CNIH3: variants seen among roughly 807,000 people sequenced by gnomAD.
CNIH3 encodes the protein cornichon family AMPA receptor auxiliary protein 3, also known as protein cornichon homolog 3.
In CNIH3, 14 loss-of-function variants were observed where a neutral mutation model predicts 24.1. The observed-to-expected ratio is 0.58, with a 90% CI of 0.38 to 0.91. The LOEUF is 0.91. Among genes scored for constraint, CNIH3 ranks in the 40% least tolerant of loss-of-function variants. The pLI is 0.00. For missense variants in CNIH3, 178 were observed against 196.8 expected (o/e 0.90, Z 0.57); for synonymous variants, 68 against 73.8 (o/e 0.92, Z 0.40).
chr1:224,459,695 G>A (rs1675828047), intron 1 of CNIH3, among the ~76,000 whole-genome samples: 1 of 152,118 alleles, frequency 6.6e-6, no homozygotes. Context: ...GGGTAGCGAT[G>A]TGGAGGGCCC....
At chr1:224,506,285 G>GCACA (rs61334962) in intron 1 of CNIH3, among the ~76,000 whole-genome samples, 5,272 of 143,632 alleles carry the variant, frequency 0.037, 155 homozygotes, top group African/African-American at 0.08. Context: ...GCGCGCGCGC[G>GCACA]CGCACACACA....
intron 1 of CNIH3, among the ~76,000 whole-genome samples, chr1:224,629,777 ACCCTCTGGCCCCTGATGGTTGCTGTCTCT>A (rs982642479): frequency 2.0e-5 from 3 of 150,634 alleles, no homozygotes; most frequent in Non-Finnish European, 4.4e-5. Flanking sequence ...CTCTTTCTTG[ACCCTCTGGCCCCTGATGGTTGCTGTCTCT>A]CTGCTGTCCT....
chr1:224,494,577 C>T (rs949467294), intron 1 of CNIH3, among the ~76,000 whole-genome samples: 4 of 152,124 alleles, frequency 2.6e-5, no homozygotes, highest in Admixed American at 6.5e-5. Context: ...TGGCTGAAGC[C>T]GTGTGATAAC....
At chr1:224,514,034 C>T (rs564324258), upstream of CNIH3, 1 of 152,370 alleles carries the variant, frequency 6.6e-6, no homozygotes, top group East Asian at 1.9e-4. Context: ...AGCGGCAAGG[C>T]AGAGAGCTTT....
intron 1 of CNIH3, among the ~76,000 whole-genome samples, chr1:224,488,529 T>G (rs1451652959): frequency 6.6e-6 from 1 of 151,990 alleles, no homozygotes; most frequent in Non-Finnish European, 1.5e-5. Context: ...GGCACAATCA[T>G]AGCTCATTAT....
intron 1 of CNIH3, among the ~76,000 whole-genome samples, chr1:224,633,220 G>A (rs12079156): frequency 0.24 from 37,103 of 151,708 alleles, 4,804 homozygotes; most frequent in East Asian, 0.37. Context: ...ATGCAGTGGC[G>A]CGATCTCTGT....
intron 4 of CNIH3, among the ~76,000 whole-genome samples, chr1:224,581,210 G>T (rs1681261241): frequency 6.6e-6 from 1 of 151,960 alleles, no homozygotes; most frequent in Admixed American, 6.6e-5. Flanking sequence ...TTTTCACTTT[G>T]TTCTGGGGAT....
chr1:224,495,470 G>A (rs1318200790), intron 1 of CNIH3, among the ~76,000 whole-genome samples: 1 of 152,216 alleles, frequency 6.6e-6, no homozygotes, highest in Non-Finnish European at 1.5e-5. Flanking sequence ...CCTGCTAGGT[G>A]TCAGGCTAGG....
In CNIH3 at chr1:224,480,197, C is replaced by G. The variant is rs1676753002; in HGVS notation, n.204-35544C>G. On this transcript the variant is annotated intron_variant and non_coding_transcript_variant, in intron 1 of 5. Transcript: ENST00000471578. ...GGCTTCCACCCTCTGAAGCAACAGCCTGAGCTGTACCTTAGCCCCTTTTAG... is the reference window on the plus strand; with the variant it reads ...GGCTTCCACCCTCTGAAGCAACAGCGTGAGCTGTACCTTAGCCCCTTTTAG... Among the ~76,000 whole-genome samples the G allele has an allele frequency of 2.0e-5, 3 of 152,206 alleles. No individual in the cohort carries two copies. The South Asian group carries it at 6.2e-4, about 31-fold the overall frequency.
At chr1:224,688,977 T>C (rs1166359369) in intron 3 of CNIH3, among the ~76,000 whole-genome samples, 3 of 152,098 alleles carry the variant, frequency 2.0e-5, no homozygotes, top group African/African-American at 7.2e-5. Context: ...AACTCAATAT[T>C]GTATTCATTA....
At chr1:224,627,747 G>A (rs889587478) in intron 1 of CNIH3, among the ~76,000 whole-genome samples, 1 of 152,206 alleles carries the variant, frequency 6.6e-6, no homozygotes, top group Non-Finnish European at 1.5e-5. Context: ...GAGTCAGTCT[G>A]ATAATGAGGC....
chr1:224,596,052 T>C (rs979092260), intron 3 of CNIH3, among the ~76,000 whole-genome samples: 3 of 152,240 alleles, frequency 2.0e-5, no homozygotes, highest in African/African-American at 7.2e-5. Context: ...GCTAAGATCA[T>C]TGATGAAGGT....
intron 1 of CNIH3, among the ~76,000 whole-genome samples, chr1:224,519,136 G>A (rs182033424): frequency 1.2e-4 from 19 of 152,234 alleles, no homozygotes; most frequent in South Asian, 4.1e-4. Context: ...TATCGTATTC[G>A]TCTGTTCTAA....
chr1:224,553,602 C>T (rs1452327596), intron 3 of CNIH3, among the ~76,000 whole-genome samples: 1 of 152,114 alleles, frequency 6.6e-6, no homozygotes, highest in Non-Finnish European at 1.5e-5. Context: ...TCCTGTTGTG[C>T]TCCTGCTACA....
At chr1:224,724,354 G>C (rs916235734) in intron 3 of CNIH3, among the ~76,000 whole-genome samples, 2 of 152,206 alleles carry the variant, frequency 1.3e-5, no homozygotes, top group African/African-American at 4.8e-5. Context: ...GCCCAGGCTG[G>C]TGCAGGCTTT....
chr1:224,649,529 C>G (rs1211524075), intron 1 of CNIH3, among the ~76,000 whole-genome samples: 1 of 152,224 alleles, frequency 6.6e-6, no homozygotes, highest in Non-Finnish European at 1.5e-5. Context: ...ATTTCCAGCA[C>G]AGAGCCTGTT....
chr1:224,483,300 A>T (rs1183916860), intron 1 of CNIH3, among the ~76,000 whole-genome samples: 1 of 152,100 alleles, frequency 6.6e-6, no homozygotes, highest in Admixed American at 6.5e-5. Context: ...CAGTGAGCTG[A>T]GATTGCAGCA....
chr1:224,488,319 T>C (rs773865406), intron 1 of CNIH3, among the ~76,000 whole-genome samples: 1 of 152,176 alleles, frequency 6.6e-6, no homozygotes, highest in African/African-American at 2.4e-5. Context: ...CACAGGTTCC[T>C]GAAGCTCTGT....
At chr1:224,534,322 G>C (rs1445740598) in intron 2 of CNIH3, among the ~76,000 whole-genome samples, 2 of 152,236 alleles carry the variant, frequency 1.3e-5, no homozygotes, top group Non-Finnish European at 2.9e-5. Flanking sequence ...AGACTACTGA[G>C]AGTCTGAAAT....
Sources: gnomAD v4.1 joint callset for allele counts (sites outside exome capture counted in the v4.1 genomes callset) on GRCh38, gnomAD v4.1.1 for gene constraint, MANE v1.5 for transcripts, NCBI Gene and HGNC (gene_info 2026-07-23, HGNC 2026-07-21) for gene names.